TMPRSS9: variants seen among roughly 807,000 people sequenced by gnomAD.
TMPRSS9 encodes the protein transmembrane serine protease 9.
Under a neutral mutation model 111.4 loss-of-function variants are expected in TMPRSS9, and 113 were observed. That is an observed-to-expected ratio of 1.01 (90% confidence interval 0.87 to 1.19). The LOEUF is 1.19. TMPRSS9 is among the 50% of genes most tolerant of loss of function. TMPRSS9 has a pLI of 0.00. For missense variants in TMPRSS9, 1,803 were observed against 1,513.1 expected, an observed-to-expected ratio of 1.19 and a Z score of -3.18; for synonymous variants, 805 against 659.1, an observed-to-expected ratio of 1.22 and a Z score of -3.39.
intron 15 of TMPRSS9, among the ~76,000 whole-genome samples, chr19:2,424,770 A>T (rs889796862): frequency 1.2e-4 from 18 of 151,752 alleles, no homozygotes; most frequent in African/African-American, 4.1e-4. Flanking sequence ...CGGGACTCGC[A>T]CGGCCACTAG....
chr19:2,377,068 A>C (rs1970341210), intron 1 of TMPRSS9, among the ~76,000 whole-genome samples: 1 of 151,238 alleles, frequency 6.6e-6, no homozygotes, highest in South Asian at 2.1e-4. Context: ...TTCTGTTCAC[A>C]GATCCCCACT....
At chr19:2,414,242 A>C (rs1971168633) in intron 10 of TMPRSS9, 3 of 480,204 alleles carry the variant, frequency 6.2e-6, no homozygotes, top group East Asian at 3.3e-5. Context: ...TCAATGGGAT[A>C]CTTTTTTTTT....
chr19:2,401,296 C>A (rs1440764913), intron 4 of TMPRSS9, among the ~76,000 whole-genome samples: 1 of 152,018 alleles, frequency 6.6e-6, no homozygotes, highest in Non-Finnish European at 1.5e-5. Flanking sequence ...TCACCTTGAC[C>A]TTGACATGCA....
intron 1 of TMPRSS9, among the ~76,000 whole-genome samples, chr19:2,395,932 C>T (rs1268457865): frequency 2.0e-5 from 3 of 152,170 alleles, no homozygotes; most frequent in South Asian, 4.1e-4. Context: ...GGCATGAACC[C>T]GGGAGGCGCA....
At chr19:2,401,722 C>G (rs770814363) in intron 4 of TMPRSS9, among the ~76,000 whole-genome samples, 1 of 151,764 alleles carries the variant, frequency 6.6e-6, no homozygotes, top group Non-Finnish European at 1.5e-5. Flanking sequence ...ATTGTCCTGC[C>G]TCAGCCTCCC....
At position 2,416,864 on chromosome 19, in the gene TMPRSS9, G is replaced by A; in HGVS notation, c.2017+55G>A. The A allele has an allele frequency of 1.9e-6, 3 of 1,547,242 alleles. 1 individual carries two copies. The highest frequency in any genetic ancestry group is 1.8e-5 in the Admixed American group (1 of 56,354). ...GGATTTATTCTCCAGGGCCTGGCCT[G>A]GGGAGGGTCAGGATGGGCATCTCTT... On this transcript the variant is annotated intron_variant, in intron 12 of 17. Transcript: ENST00000648592.
intron 2 of TMPRSS9, among the ~76,000 whole-genome samples, chr19:2,398,446 A>G (rs1481392412): frequency 6.6e-6 from 1 of 151,146 alleles, no homozygotes; most frequent in Non-Finnish European, 1.5e-5. Flanking sequence ...GTGAAACCCC[A>G]TTTCTACTAA....
chr19:2,416,458 G>C, intron 11 of TMPRSS9, 80 bp from the exon 13 acceptor site: 1 of 1,520,796 alleles, frequency 6.6e-7, no homozygotes, highest in Non-Finnish European at 8.8e-7. Flanking sequence ...CTTCCTGGGG[G>C]TGTGCATCAG....
At chr19:2,423,328 C>T (rs1971508765) in intron 14 of TMPRSS9, among the ~76,000 whole-genome samples, 8 of 151,900 alleles carry the variant, frequency 5.3e-5, no homozygotes, top group South Asian at 2.1e-4. Context: ...CCAAGGACAG[C>T]GGCTGCGGCT....
At position 2,425,480 on chromosome 19, in the gene TMPRSS9, T is replaced by G. The variant is rs770418288; in HGVS notation, c.3107T>G (p.Val1036Gly). ...TGTGCCGGCTTCCCGCAGGGTGGCG[T>G]GGACAGCTGCTCGGTGAGCCCCGCC... Residue 1036 changes from valine (V) to glycine (G), a missense_variant, in exon 17 of 18, where the codon GTG becomes GGG. Physicochemically the swap from Val to Gly is moderately radical, Grantham distance 109. Coordinates refer to ENST00000648592, the Ensembl canonical transcript of TMPRSS9. 9.4e-6 allele frequency: 15 copies of G among 1,587,830 alleles called. No individual in the cohort carries two copies. In the Admixed American group the frequency reaches 2.6e-4, roughly 27 times the overall value.
intron 7 of TMPRSS9, among the ~76,000 whole-genome samples, chr19:2,407,742 T>C (rs573831263): frequency 2.9e-4 from 44 of 149,840 alleles, no homozygotes; most frequent in African/African-American, 1.1e-3. Context: ...CTCAGCCTCC[T>C]GAGGAGCTGA....
exon 11 of TMPRSS9, chr19:2,415,816 C>A: frequency 6.2e-7 from 1 of 1,600,658 alleles, no homozygotes; most frequent in Non-Finnish European, 8.5e-7. Context: ...CCGCTGGCTG[C>A]TGTCTGCCGC....
At chr19:2,402,091 T>G in intron 5 of TMPRSS9, 75 bp downstream of exon 6, 1 of 1,503,376 alleles carries the variant, frequency 6.7e-7, no homozygotes, top group Non-Finnish European at 9.1e-7. Context: ...TTCAAGGAAG[T>G]GAAGGAATCC....
intron 1 of TMPRSS9, among the ~76,000 whole-genome samples, chr19:2,363,309 GGA>G (rs1400830659): frequency 2.0e-5 from 3 of 152,166 alleles, no homozygotes. Flanking sequence ...CCCAGGCTGG[GGA>G]CTCTGTCCGC....
chr19:2,386,368 G>A (rs1042665768), upstream of TMPRSS9, among the ~76,000 whole-genome samples: 3 of 151,982 alleles, frequency 2.0e-5, no homozygotes, highest in Non-Finnish European at 4.4e-5. Context: ...AGCTGGGCGT[G>A]GTGGCGGGCG....
intron 1 of TMPRSS9, among the ~76,000 whole-genome samples, chr19:2,372,265 G>C (rs1055289830): frequency 6.6e-6 from 1 of 152,016 alleles, no homozygotes; most frequent in Non-Finnish European, 1.5e-5. Context: ...TCCTCCTACT[G>C]ATCTCTTTGG....
intron 13 of TMPRSS9, among the ~76,000 whole-genome samples, chr19:2,421,295 AT>A (rs199810368): frequency 3.1e-4 from 46 of 146,284 alleles, no homozygotes; most frequent in Admixed American, 2.7e-4. Flanking sequence ...TTATTTATTT[AT>A]TTTTTTTTTT....
intron 9 of TMPRSS9, among the ~76,000 whole-genome samples, chr19:2,413,236 G>A (rs528284703): frequency 1.3e-5 from 2 of 152,102 alleles, no homozygotes; most frequent in South Asian, 2.1e-4. Context: ...AGAACGTAAG[G>A]GTCAGGGTGA....
intron 1 of TMPRSS9, among the ~76,000 whole-genome samples, chr19:2,371,709 C>G (rs1970291720): frequency 7.3e-6 from 1 of 136,532 alleles, no homozygotes; most frequent in Admixed American, 6.9e-5. Context: ...AACAACAAAA[C>G]CAAGAAAAAA....
Sources: gnomAD v4.1 joint callset for allele counts (sites outside exome capture counted in the v4.1 genomes callset) on GRCh38, gnomAD v4.1.1 for gene constraint, MANE v1.5 for transcripts, NCBI Gene and HGNC (gene_info 2026-07-23, HGNC 2026-07-21) for gene names.